RGSL1: variants seen among roughly 807,000 people sequenced by gnomAD.
RGSL1 encodes the protein regulator of G protein signaling like 1.
In RGSL1, 97 loss-of-function variants were observed where a neutral mutation model predicts 124.7. The ratio of observed to expected loss-of-function variants is 0.78; its 90% CI spans 0.66 to 0.92. The LOEUF is 0.92. Among genes scored for constraint, RGSL1 ranks in the 40% least tolerant of loss-of-function variants. The probability of loss-of-function intolerance (pLI) is 0.00; values close to 1 mark genes in which losing one functional copy is unlikely to be tolerated. For missense variants in RGSL1, 1,233 were observed against 1,288.4 expected, an observed-to-expected ratio of 0.96 and a Z score of 0.66; for synonymous variants, 424 against 438.1, an observed-to-expected ratio of 0.97 and a Z score of 0.40.
At chr1:182,540,785 G>A (rs549454142) in intron 15 of RGSL1, among the ~76,000 whole-genome samples, 12 of 152,278 alleles carry the variant, frequency 7.9e-5, no homozygotes, top group African/African-American at 2.2e-4. Context: ...AATTGTGTGT[G>A]TGTCTGTATG....
intron 2 of RGSL1, among the ~76,000 whole-genome samples, chr1:182,454,934 G>A (rs1284870309): frequency 5.9e-5 from 9 of 152,104 alleles, no homozygotes; most frequent in East Asian, 1.9e-4. Flanking sequence ...ACTAAAAGGC[G>A]AAATTTCAGT....
intron 11 of RGSL1, among the ~76,000 whole-genome samples, chr1:182,529,025 T>C (rs1163255073): frequency 2.6e-5 from 4 of 151,864 alleles, no homozygotes; most frequent in African/African-American, 9.7e-5. Context: ...GGTAAACCAC[T>C]CCCGTGATTC....
intron 4 of RGSL1, among the ~76,000 whole-genome samples, chr1:182,472,140 C>T (rs184150470): frequency 0.013 from 1,961 of 152,138 alleles, 19 homozygotes; most frequent in Admixed American, 0.023. Context: ...TTGCAGTTTT[C>T]CCTCCAGTGA....
Position 182,558,317 on chromosome 1 carries a change from G to A in RGSL1, c.*166-1962G>A, listed in dbSNP as rs142755529. On this transcript the variant is annotated intron_variant, in intron 21 of 21. Coordinates refer to ENST00000294854, the MANE Select transcript of RGSL1 (RefSeq NM_001137669.2). ...GGGGCCACTGCCGTCTAAGGAAAAG[G>A]CCAAGAAAGAGGGACCAGGTAAGGA... 8.6e-3 allele frequency among the ~76,000 whole-genome samples: 1,311 copies of A among 152,168 alleles called. 8 individuals carry two copies. Among genetic ancestry groups the A allele is most frequent in the Non-Finnish European group, 0.015 (1,026 of 68,010 alleles).
At chr1:182,504,635 G>T (rs751690055) in intron 9 of RGSL1, among the ~76,000 whole-genome samples, 13 of 151,894 alleles carry the variant, frequency 8.6e-5, no homozygotes, top group Non-Finnish European at 1.5e-4. Flanking sequence ...GGTGTTGTTT[G>T]TTTATTTAGT....
At chr1:182,537,122 C>A (rs554834947) in intron 14 of RGSL1, among the ~76,000 whole-genome samples, 11 of 151,962 alleles carry the variant, frequency 7.2e-5, no homozygotes, top group African/African-American at 2.7e-4. Context: ...TAAGTAGTGT[C>A]TTTTGAAGAT....
chr1:182,498,258 C>CA (rs1656076371), intron 9 of RGSL1, among the ~76,000 whole-genome samples: 1 of 151,844 alleles, frequency 6.6e-6, no homozygotes. Context: ...CCATTTCAAG[C>CA]TGGCTTATGT....
In RGSL1 at chr1:182,488,824, G is replaced by T. The variant is rs529551235; in HGVS notation, c.1495-156G>T. On this transcript the variant is annotated intron_variant, in intron 7 of 21. Coordinates refer to ENST00000294854, the MANE Select transcript of RGSL1 (RefSeq NM_001137669.2). ...TGAGTTTGATTAGAAAAGGGTGGGG[G>T]TTGGCATGTAAAGGAGCAATGGTTC... 36 of 583,900 alleles carry T rather than the reference G, an allele frequency of 6.2e-5. No homozygotes were observed. The African/African-American group carries it at 6.4e-4, about 10-fold the overall frequency. The allele number at this position is 583,900 out of a possible 1,614,324, so 36.2% of individuals were successfully genotyped here. A position where few individuals can be genotyped will look rare whatever the true frequency, so the allele number is the denominator to read the frequency against.
intron 2 of RGSL1, among the ~76,000 whole-genome samples, chr1:182,456,484 G>A (rs1276348267): frequency 6.6e-6 from 1 of 152,164 alleles, no homozygotes; most frequent in African/African-American, 2.4e-5. Flanking sequence ...TTTTAGTAGA[G>A]ACGGAGTTTC....
At chr1:182,467,121 A>G (rs1653402258) in intron 4 of RGSL1, among the ~76,000 whole-genome samples, 1 of 152,218 alleles carries the variant, frequency 6.6e-6, no homozygotes, top group African/African-American at 2.4e-5. Flanking sequence ...AAAAGAGGAC[A>G]CAAACAAATG....
chr1:182,514,519 C>T (rs1015021162), intron 9 of RGSL1, among the ~76,000 whole-genome samples: 1 of 152,186 alleles, frequency 6.6e-6, no homozygotes, highest in African/African-American at 2.4e-5. Flanking sequence ...CAGGAGAGTG[C>T]AAATACTTGG....
intron 1 of RGSL1, among the ~76,000 whole-genome samples, chr1:182,451,032 G>C (rs562641574): frequency 4.4e-4 from 67 of 151,540 alleles, no homozygotes; most frequent in Non-Finnish European, 7.4e-4. Flanking sequence ...TGTAATCCCA[G>C]CTACTGGAGA....
In RGSL1 at chr1:182,474,332, G is replaced by C. The variant is rs1654109521; in HGVS notation, c.1221G>C (p.Gln407His). 6.4e-7 allele frequency: 1 copy of C among 1,551,726 alleles called. No individual in the cohort carries two copies. The highest frequency in any genetic ancestry group is 8.7e-7 in the Non-Finnish European group (1 of 1,147,016). The change falls in exon 6 of 22, where the codon CAG becomes CAC. Residue 407 changes from glutamine (Q) to histidine (H), a missense_variant. Transcript: ENST00000294854. ...TTCTTGACCTCTGGCAGGACTTGCA[G>C]CATTTCCTCAGTGTCCTTCTGAATA... is the stretch of plus-strand genomic sequence containing the variant. ...IQLLDLWQDLQHFLSVLLNNK... is the reference protein window; with the variant it reads ...IQLLDLWQDLHHFLSVLLNNK...
At chr1:182,522,649 C>T (rs1217184439) in intron 10 of RGSL1, among the ~76,000 whole-genome samples, 1 of 152,162 alleles carries the variant, frequency 6.6e-6, no homozygotes, top group Non-Finnish European at 1.5e-5. Context: ...ACCTTTCTTT[C>T]CATGTACCTT....
At chr1:182,554,538 C>A in intron 19 of RGSL1, 89 bp from the exon 20 acceptor site, 1 of 1,165,414 alleles carries the variant, frequency 8.6e-7, no homozygotes, top group Non-Finnish European at 1.2e-6. Context: ...TGGAAGCCCA[C>A]CCAGCATGGT....
At chr1:182,554,901 G>A in intron 20 of RGSL1, 1 of 560,024 alleles carries the variant, frequency 1.8e-6, no homozygotes. Flanking sequence ...ACTAGGACAG[G>A]CACTTTTAAG....
intron 9 of RGSL1, among the ~76,000 whole-genome samples, chr1:182,509,795 G>A (rs1397960948): frequency 1.6e-5 from 2 of 122,864 alleles, no homozygotes; most frequent in Non-Finnish European, 3.6e-5. Flanking sequence ...CCCGGATGGG[G>A]CGGCTGGCCG....
At chr1:182,457,879 C>T (rs1350234251) in intron 2 of RGSL1, among the ~76,000 whole-genome samples, 1 of 152,214 alleles carries the variant, frequency 6.6e-6, no homozygotes, top group African/African-American at 2.4e-5. Context: ...CCAGTCTCCA[C>T]ATCTTTAGTC....
chr1:182,457,224 G>A (rs191651831), intron 2 of RGSL1, among the ~76,000 whole-genome samples: 107 of 152,264 alleles, frequency 7.0e-4, no homozygotes, highest in African/African-American at 2.4e-3. Flanking sequence ...TCTAGGAGCT[G>A]ACCAGGTCTG....
Sources: gnomAD v4.1 joint callset for allele counts (sites outside exome capture counted in the v4.1 genomes callset) on GRCh38, gnomAD v4.1.1 for gene constraint, MANE v1.5 for transcripts, NCBI Gene and HGNC (gene_info 2026-07-23, HGNC 2026-07-21) for gene names.